The following TENM1 variants were observed in gnomAD, a reference collection of about 807,000 sequenced individuals.
TENM1 encodes the protein teneurin-1.
In TENM1, 35 loss-of-function variants were observed where a neutral mutation model predicts 174.8. The observed-to-expected ratio is 0.20, with a 90% CI of 0.15 to 0.27. The LOEUF is 0.27. Among genes scored for constraint, TENM1 ranks in the 10% least tolerant of loss-of-function variants. The pLI, the probability that TENM1 is intolerant of heterozygous loss-of-function variation, is 1.00. For missense variants in TENM1, 1,633 were observed against 2,130.1 expected (o/e 0.77, Z 4.59); for synonymous variants, 781 against 798.7 (o/e 0.98, Z 0.37).
chrX:124,662,220 T>C (rs1439787487), intron 6 of TENM1, among the ~76,000 whole-genome samples: 1 of 110,587 alleles, frequency 9.0e-6, no homozygotes, highest in Non-Finnish European at 1.9e-5. Flanking sequence ...TTTGGGAAGC[T>C]GAGACGGGCG....
chrX:124,902,065 T>C (rs1797846960), intron 1 of TENM1, among the ~76,000 whole-genome samples: 1 of 111,851 alleles, frequency 8.9e-6, no homozygotes, highest in African/African-American at 3.2e-5. Flanking sequence ...CACTTAACAT[T>C]TTGGGGGCTA....
At chrX:124,745,090 C>G (rs1271809864) in intron 3 of TENM1, among the ~76,000 whole-genome samples, 2 of 111,824 alleles carry the variant, frequency 1.8e-5, no homozygotes. Context: ...GCTAGGGAAG[C>G]CTCGGAAAGG....
intron 1 of TENM1, among the ~76,000 whole-genome samples, chrX:124,951,301 T>G (rs2147781729): frequency 9.0e-6 from 1 of 111,168 alleles, no homozygotes; most frequent in Non-Finnish European, 1.9e-5. Context: ...TTCTCTTCAT[T>G]TCTACATTGA....
chrX:124,725,697 G>C (rs747036384), intron 4 of TENM1, among the ~76,000 whole-genome samples: 1 of 112,201 alleles, frequency 8.9e-6, no homozygotes, highest in South Asian at 3.7e-4. Context: ...GAACCAGCTG[G>C]ATTCTTCTAA....
At chrX:124,497,494 A>G (rs1371311039) in intron 19 of TENM1, among the ~76,000 whole-genome samples, 1 of 111,049 alleles carries the variant, frequency 9.0e-6, no homozygotes, top group Non-Finnish European at 1.9e-5. Flanking sequence ...GAAGTAGGGT[A>G]ATACAACCAG....
At chrX:125,197,555 T>C in the TENM1 span, among the ~76,000 whole-genome samples, 2 of 111,470 alleles carry the variant, frequency 1.8e-5, no homozygotes, top group African/African-American at 6.5e-5. Flanking sequence ...TTATGAATTC[T>C]ACAAGTTCCG....
the TENM1 span, among the ~76,000 whole-genome samples, chrX:125,193,790 A>AT: frequency 3.6e-5 from 4 of 110,132 alleles, no homozygotes; most frequent in African/African-American, 6.6e-5. Context: ...TCAGATCTGT[A>AT]TTTTTTTAGA....
chrX:125,020,560 G>T, the TENM1 span, among the ~76,000 whole-genome samples: 1 of 108,138 alleles, frequency 9.2e-6, no homozygotes, highest in East Asian at 2.9e-4. Flanking sequence ...CTAGCCAAAT[G>T]CTTCAAAATT....
the TENM1 span, among the ~76,000 whole-genome samples, chrX:124,982,270 G>GAAAAAAAAAAAAAAAAAAAAGA: frequency 1.9e-4 from 2 of 10,551 alleles, no homozygotes; most frequent in African/African-American, 8.1e-4. Flanking sequence ...AAGAAAATGT[G>GAAAAAAAAAAAAAAAAAAAAGA]AAAAAAAAAA....
the TENM1 span, among the ~76,000 whole-genome samples, chrX:125,118,005 G>GTA: frequency 5.4e-5 from 6 of 110,805 alleles, no homozygotes; most frequent in African/African-American, 9.8e-5. Flanking sequence ...ATAAAATGTG[G>GTA]TATATATATA....
In TENM1 at chrX:124,608,431, C is replaced by T. The variant is rs1042796367; in HGVS notation, c.2077+33360G>A. Among the ~76,000 whole-genome samples the T allele has an allele frequency of 5.4e-5, 6 of 111,385 alleles. 1 individual carries two copies. The highest frequency in any genetic ancestry group is 2.0e-4 in the African/African-American group (6 of 30,671). On this transcript the variant is annotated intron_variant, in intron 11 of 31. Coordinates refer to ENST00000422452, the Ensembl canonical transcript of TENM1. ...TGATGCCTTACCATCGCTCCAATAACTGCCTTAATTGTTTTCTGGAAATAA... is the reference window on the plus strand; with the variant it reads ...TGATGCCTTACCATCGCTCCAATAATTGCCTTAATTGTTTTCTGGAAATAA...
intron 6 of TENM1, among the ~76,000 whole-genome samples, chrX:124,664,532 G>GAAAAAACAAAAAA (rs2051692774): frequency 3.4e-5 from 1 of 29,276 alleles, no homozygotes; most frequent in African/African-American, 1.2e-4. Flanking sequence ...TAAAGCAAAA[G>GAAAAAACAAAAAA]AAAAAAAAAA....
chrX:124,595,328 T>C (rs1311136657), intron 11 of TENM1, among the ~76,000 whole-genome samples: 1 of 111,979 alleles, frequency 8.9e-6, no homozygotes, highest in African/African-American at 3.2e-5. Flanking sequence ...AACTTCACAA[T>C]GCATATGTAT....
At chrX:125,092,329 A>G in the TENM1 span, among the ~76,000 whole-genome samples, 1 of 111,823 alleles carries the variant, frequency 8.9e-6, no homozygotes, top group Non-Finnish European at 1.9e-5. Context: ...AAACTTGATT[A>G]AGTATTTTAT....
chrX:124,734,604 G>A (rs1400443972), intron 4 of TENM1, among the ~76,000 whole-genome samples: 5 of 111,619 alleles, frequency 4.5e-5, no homozygotes, highest in Non-Finnish European at 9.4e-5. Flanking sequence ...CATTTAATCT[G>A]GTAAGTGATG....
chrX:124,500,302 AT>A (rs1214121061), intron 19 of TENM1, among the ~76,000 whole-genome samples: 1 of 112,239 alleles, frequency 8.9e-6, no homozygotes, highest in Admixed American at 9.4e-5. Flanking sequence ...CCCTGGAAAA[AT>A]AGATCATTTT....
intron 19 of TENM1, 111 bp from the exon 23 acceptor site, chrX:124,497,376 C>T: frequency 1.2e-6 from 1 of 829,012 alleles, no homozygotes. Flanking sequence ...GAGCTTTGGC[C>T]TGGCATAAGA....
chrX:124,644,379 A>G (rs1304163995), intron 10 of TENM1, among the ~76,000 whole-genome samples: 2 of 108,938 alleles, frequency 1.8e-5, no homozygotes, highest in Non-Finnish European at 3.8e-5. Flanking sequence ...ATTATTGTGC[A>G]TTTCCAGCAG....
At chrX:124,376,219 C>T (rs1366621975) in exon 32 of TENM1, 1 of 112,208 alleles carries the variant, frequency 8.9e-6, no homozygotes, top group African/African-American at 3.2e-5. Context: ...AGAACCTCTA[C>T]CTGTTGTTAT....
Sources: allele counts gnomAD v4.1 joint callset (sites outside exome capture counted in the v4.1 genomes callset), GRCh38; gene constraint gnomAD v4.1.1; transcripts MANE v1.5; gene names NCBI Gene and HGNC (gene_info 2026-07-23, HGNC 2026-07-21).